Variants in ITGB3BP observed in about 807,000 individuals in gnomAD.
The protein encoded by ITGB3BP is centromere protein R.
ITGB3BP carries 27 observed loss-of-function variants against 29.1 expected under a neutral mutation model. That is an observed-to-expected ratio of 0.93 (90% CI 0.68 to 1.28). The LOEUF (loss-of-function observed/expected upper bound fraction) is 1.28, where lower values mean the gene tolerates loss of function less well. Ranked by LOEUF, ITGB3BP falls within the 50% of genes most tolerant of loss-of-function variation. ITGB3BP has a pLI of 0.00. For synonymous variants in ITGB3BP, 61 were observed against 61.4 expected (o/e 0.99, Z 0.03); for missense variants, 192 against 200.2 (o/e 0.96, Z 0.25).
At chr1:63,450,797 CTG>C (rs1644850751) in intron 7 of ITGB3BP, among the ~76,000 whole-genome samples, 1 of 151,916 alleles carries the variant, frequency 6.6e-6, no homozygotes, top group African/African-American at 2.4e-5. Flanking sequence ...TTTAAGAAAT[CTG>C]TGTTTAGCAG....
At chr1:63,515,123 A>G (rs953036680) in intron 1 of ITGB3BP, among the ~76,000 whole-genome samples, 2 of 152,238 alleles carry the variant, frequency 1.3e-5, no homozygotes, top group African/African-American at 4.8e-5. Flanking sequence ...ATTCTCAAAT[A>G]TTTCCCTCCA....
At chr1:63,500,098 G>A (rs1415295798) in intron 2 of ITGB3BP, among the ~76,000 whole-genome samples, 5 of 152,052 alleles carry the variant, frequency 3.3e-5, no homozygotes, top group Admixed American at 6.6e-5. Context: ...TAAGTAGGGC[G>A]GGGGGGCTGT....
intron 4 of ITGB3BP, among the ~76,000 whole-genome samples, chr1:63,461,312 G>T (rs901727165): frequency 6.7e-6 from 1 of 149,258 alleles, no homozygotes; most frequent in Non-Finnish European, 1.5e-5. Context: ...TTTAAAATTG[G>T]ATTGTCTTTT....
intron 1 of ITGB3BP, among the ~76,000 whole-genome samples, chr1:63,515,995 G>T (rs1646310823): frequency 6.7e-6 from 1 of 149,062 alleles, no homozygotes; most frequent in Non-Finnish European, 1.5e-5. Context: ...GTCCATCAAT[G>T]GATGACTGGA....
chr1:63,498,518 G>A (rs962019055), intron 2 of ITGB3BP, among the ~76,000 whole-genome samples: 8 of 151,676 alleles, frequency 5.3e-5, no homozygotes, highest in South Asian at 4.2e-4. Flanking sequence ...AGAACAAAAC[G>A]CAACAAAACA....
At chr1:63,477,522 T>C (rs1385321381) in intron 4 of ITGB3BP, among the ~76,000 whole-genome samples, 1 of 152,078 alleles carries the variant, frequency 6.6e-6, no homozygotes, top group Non-Finnish European at 1.5e-5. Context: ...GGTTCAATAC[T>C]AGCCTGGGTA....
chr1:63,479,861 T>C (rs746727602), intron 3 of ITGB3BP, among the ~76,000 whole-genome samples: 10 of 152,176 alleles, frequency 6.6e-5, no homozygotes, highest in Non-Finnish European at 1.2e-4. Context: ...GGCACTTAGG[T>C]TGATTCAGTA....
At chr1:63,475,311 G>A (rs1047024577) in intron 4 of ITGB3BP, among the ~76,000 whole-genome samples, 3 of 152,168 alleles carry the variant, frequency 2.0e-5, no homozygotes, top group Non-Finnish European at 4.4e-5. Flanking sequence ...CAAAATCCAA[G>A]TCTTCAGGCT....
chr1:63,508,903 A>G (rs1646138439), intron 1 of ITGB3BP, among the ~76,000 whole-genome samples: 1 of 152,198 alleles, frequency 6.6e-6, no homozygotes, highest in South Asian at 2.1e-4. Context: ...TGTCTGCTTT[A>G]AAATACCACT....
intron 4 of ITGB3BP, among the ~76,000 whole-genome samples, chr1:63,463,298 C>T (rs867317808): frequency 2.0e-5 from 3 of 150,128 alleles, no homozygotes; most frequent in Non-Finnish European, 3.0e-5. Context: ...GGGATCCTCG[C>T]GGTGATGGAA....
chr1:63,505,309 A>G (rs1326263881), intron 2 of ITGB3BP, among the ~76,000 whole-genome samples: 2 of 152,160 alleles, frequency 1.3e-5, no homozygotes, highest in East Asian at 3.9e-4. Context: ...AGAGGTGTTT[A>G]TAGTATTCTC....
chr1:63,467,785 T>C (rs563928928), intron 4 of ITGB3BP, among the ~76,000 whole-genome samples: 1 of 152,322 alleles, frequency 6.6e-6, no homozygotes, highest in Admixed American at 6.5e-5. Context: ...AAGCAATCTA[T>C]AATGTATAGG....
chr1:63,458,387 G>C (rs1351198694), intron 4 of ITGB3BP: 1 of 152,066 alleles, frequency 6.6e-6, no homozygotes, highest in East Asian at 1.9e-4. Flanking sequence ...AAAGAACAAA[G>C]AGAAATTGTA....
intron 4 of ITGB3BP, among the ~76,000 whole-genome samples, chr1:63,476,162 T>A (rs976138207): frequency 6.6e-6 from 1 of 151,472 alleles, no homozygotes; most frequent in African/African-American, 2.4e-5. Flanking sequence ...AGTCTCCTGA[T>A]AGAAATACTT....
intron 1 of ITGB3BP, among the ~76,000 whole-genome samples, chr1:63,509,679 CACA>C (rs961515730): frequency 3.3e-5 from 5 of 152,138 alleles, no homozygotes; most frequent in South Asian, 4.1e-4. Flanking sequence ...ATTACCCTAT[CACA>C]ACATTATTTC....
At chr1:63,457,614 A>G (rs1412918721) in intron 4 of ITGB3BP, 1 of 152,198 alleles carries the variant, frequency 6.6e-6, no homozygotes, top group Non-Finnish European at 1.5e-5. Context: ...TTTCAAAGTT[A>G]TTGTGGCTCT....
intron 7 of ITGB3BP, among the ~76,000 whole-genome samples, chr1:63,450,446 AC>A (rs1644846688): frequency 1.3e-5 from 2 of 151,930 alleles, no homozygotes; most frequent in Non-Finnish European, 2.9e-5. Flanking sequence ...TTCAGAAAAA[AC>A]TGAAAATATT....
chr1:63,514,065 C>T (rs566628444), intron 1 of ITGB3BP, among the ~76,000 whole-genome samples: 2 of 152,266 alleles, frequency 1.3e-5, no homozygotes, highest in Non-Finnish European at 2.9e-5. Flanking sequence ...CCATACACAA[C>T]TACTTTTCTA....
intron 2 of ITGB3BP, among the ~76,000 whole-genome samples, chr1:63,495,624 A>G (rs1218451897): frequency 1.3e-5 from 2 of 149,474 alleles, no homozygotes; most frequent in Non-Finnish European, 3.0e-5. Flanking sequence ...ACTGCCATGT[A>G]TCTCAGGCCA....
Sources: gnomAD v4.1 joint callset for allele counts (sites outside exome capture counted in the v4.1 genomes callset) on GRCh38, gnomAD v4.1.1 for gene constraint, MANE v1.5 for transcripts, NCBI Gene and HGNC (gene_info 2026-07-23, HGNC 2026-07-21) for gene names.